The following ZNF618 variants were observed in gnomAD, a reference collection of about 807,000 sequenced individuals.
ZNF618 encodes the protein neural precursor cell expressed, developmentally down-regulated 10.
ZNF618 carries 34 observed loss-of-function variants against 103.0 expected under a neutral mutation model. The observed-to-expected ratio is 0.33, with a 90% confidence interval of 0.25 to 0.44. The LOEUF is 0.44. Ranked by LOEUF, ZNF618 falls within the 20% of genes least tolerant of loss-of-function variation. The pLI is 1.00. For missense variants in ZNF618, 1,059 were observed against 1,295.4 expected (o/e 0.82, Z 2.80); for synonymous variants, 551 against 542.2 (o/e 1.02, Z -0.23).
chr9:113,921,253 T>C (rs1486081904), intron 1 of ZNF618, among the ~76,000 whole-genome samples: 1 of 152,242 alleles, frequency 6.6e-6, no homozygotes, highest in African/African-American at 2.4e-5. Context: ...TTTCCCCATC[T>C]GTAAAATCAG....
chr9:114,032,557 C>T (rs1844177946), intron 11 of ZNF618, 88 bp from the exon 12 acceptor site: 3 of 1,257,806 alleles, frequency 2.4e-6, no homozygotes, highest in Middle Eastern at 1.9e-4. Flanking sequence ...CAGCAGAGTC[C>T]TTGGCCTTCA....
chr9:114,033,399 G>T (rs1278030128), intron 12 of ZNF618, among the ~76,000 whole-genome samples: 2 of 144,510 alleles, frequency 1.4e-5, no homozygotes, highest in African/African-American at 2.9e-5. Flanking sequence ...AAGAGAGAGA[G>T]AGAGAGAGAG....
intron 1 of ZNF618, among the ~76,000 whole-genome samples, chr9:113,909,101 C>T (rs1163352056): frequency 2.0e-5 from 3 of 151,970 alleles, no homozygotes; most frequent in African/African-American, 7.2e-5. Flanking sequence ...TGCCCCTCGG[C>T]TGCTGTGGGA....
At chr9:113,902,772 C>T (rs951333969) in intron 1 of ZNF618, among the ~76,000 whole-genome samples, 17 of 152,202 alleles carry the variant, frequency 1.1e-4, no homozygotes, top group Non-Finnish European at 2.2e-4. Flanking sequence ...TTTATATAAC[C>T]AGTCCCCTTT....
chr9:113,951,458 T>TACATATATATGTTTATATATGTAC, intron 1 of ZNF618, among the ~76,000 whole-genome samples: 1 of 54,700 alleles, frequency 1.8e-5, no homozygotes, highest in African/African-American at 5.7e-5. Flanking sequence ...TGTGTATATA[T>TACATATATATGTTTATATATGTAC]ACATATATGT....
At chr9:114,039,386 G>A (rs112877028) in intron 13 of ZNF618, among the ~76,000 whole-genome samples, 3 of 139,546 alleles carry the variant, frequency 2.1e-5, no homozygotes, top group Non-Finnish European at 3.0e-5. Context: ...TCGATCTGTC[G>A]CCCAGGCTGG....
intron 1 of ZNF618, among the ~76,000 whole-genome samples, chr9:113,878,944 T>A (rs1472160842): frequency 6.6e-6 from 1 of 152,162 alleles, no homozygotes; most frequent in Non-Finnish European, 1.5e-5. Context: ...GGAGATTTTA[T>A]TTTTTTAGTA....
intron 1 of ZNF618, among the ~76,000 whole-genome samples, chr9:113,904,829 T>C (rs1236704808): frequency 6.6e-6 from 1 of 152,158 alleles, no homozygotes; most frequent in African/African-American, 2.4e-5. Context: ...GTTGCCCATC[T>C]CTCTGGCTCT....
At chr9:113,957,874 T>G (rs1294999925) in intron 1 of ZNF618, among the ~76,000 whole-genome samples, 1 of 151,684 alleles carries the variant, frequency 6.6e-6, no homozygotes, top group Non-Finnish European at 1.5e-5. Flanking sequence ...ACATATTTAA[T>G]GAGTAATCTG....
chr9:114,032,579 C>G, intron 11 of ZNF618, 66 bp from the exon 12 acceptor site: 2 of 1,487,224 alleles, frequency 1.3e-6, no homozygotes, highest in African/African-American at 1.4e-5. Flanking sequence ...CCAGCCTACC[C>G]CTCCCTTGAG....
At chr9:113,992,266 C>T (rs1207471250) in intron 3 of ZNF618, among the ~76,000 whole-genome samples, 1 of 152,092 alleles carries the variant, frequency 6.6e-6, no homozygotes, top group African/African-American at 2.4e-5. Flanking sequence ...CCATGACCTC[C>T]TTATTTTATA....
chr9:114,005,499 C>T (rs1312673041), intron 6 of ZNF618, among the ~76,000 whole-genome samples: 1 of 152,134 alleles, frequency 6.6e-6, no homozygotes, highest in African/African-American at 2.4e-5. Context: ...ACAGATGTGG[C>T]CCTGAAGTGA....
intron 1 of ZNF618, among the ~76,000 whole-genome samples, chr9:113,945,200 G>A (rs1834906363): frequency 6.6e-6 from 1 of 152,106 alleles, no homozygotes; most frequent in African/African-American, 2.4e-5. Context: ...TTCCCATTGT[G>A]TGGATTATGC....
intron 1 of ZNF618, among the ~76,000 whole-genome samples, chr9:113,895,913 G>A (rs1426202608): frequency 1.3e-5 from 2 of 151,918 alleles, no homozygotes; most frequent in East Asian, 1.9e-4. Flanking sequence ...TTTCATGCCC[G>A]TTTTGACCAT....
intron 2 of ZNF618, among the ~76,000 whole-genome samples, chr9:113,975,472 T>C (rs1460654203): frequency 6.6e-6 from 1 of 152,210 alleles, no homozygotes; most frequent in East Asian, 1.9e-4. Flanking sequence ...AAAGTAGCCC[T>C]AAACAACGCA....
At position 113,951,495 on chromosome 9, in the gene ZNF618, ATG is replaced by A. The variant is rs1835692705; in HGVS notation, c.34-17618_34-17617del. Among the ~76,000 whole-genome samples the A allele has an allele frequency of 1.5e-4, 6 of 40,286 alleles. 2 individuals are homozygous for A. In the Admixed American group the frequency reaches 2.1e-3, roughly 14 times the overall value. 26.4% of individuals were successfully genotyped at this position (40,286 alleles called of 152,430 possible). ...TGTATGTGTACACATATATGTGTGTATGTGTACACATATATGTGTGTATATGT... is the reference window on the plus strand; with the variant it reads ...TGTATGTGTACACATATATGTGTGTATGTACACATATATGTGTGTATATGT... On this transcript the variant is annotated intron_variant, in intron 1 of 14. Coordinates refer to ENST00000374126, the MANE Select transcript of ZNF618 (RefSeq NM_001318042.2).
chr9:113,953,165 T>C (rs1835930882), intron 1 of ZNF618, among the ~76,000 whole-genome samples: 1 of 152,202 alleles, frequency 6.6e-6, no homozygotes. Context: ...GTGAACGTAC[T>C]TCGAGGTCAC....
chr9:113,964,217 A>G (rs1435539083), intron 1 of ZNF618, among the ~76,000 whole-genome samples: 1 of 152,154 alleles, frequency 6.6e-6, no homozygotes, highest in East Asian at 1.9e-4. Flanking sequence ...GCAGCACCTC[A>G]GCCTCCCCGA....
intron 10 of ZNF618, among the ~76,000 whole-genome samples, chr9:114,018,203 G>T (rs1445775150): frequency 6.6e-6 from 1 of 152,222 alleles, no homozygotes; most frequent in African/African-American, 2.4e-5. Context: ...GCCAGATCTT[G>T]TGTGGAGAGA....
Sources: gnomAD v4.1 joint callset for allele counts (sites outside exome capture counted in the v4.1 genomes callset) on GRCh38, gnomAD v4.1.1 for gene constraint, MANE v1.5 for transcripts, NCBI Gene and HGNC (gene_info 2026-07-23, HGNC 2026-07-21) for gene names.